The following TBXAS1 variants were observed in gnomAD, a reference collection of about 807,000 sequenced individuals.
The protein encoded by TBXAS1 is thromboxane A synthase 1.
Under a neutral mutation model 60.7 loss-of-function variants are expected in TBXAS1, and 48 were observed. The ratio of observed to expected loss-of-function variants is 0.79; its 90% CI spans 0.63 to 1.01. The LOEUF is 1.01. Ranked by LOEUF, TBXAS1 falls within the 50% of genes least tolerant of loss-of-function variation. The pLI is 0.00. For missense variants in TBXAS1, 685 were observed against 686.3 expected, an observed-to-expected ratio of 1.00 and a Z score of 0.02; for synonymous variants, 287 against 269.7, an observed-to-expected ratio of 1.06 and a Z score of -0.63.
intron 3 of TBXAS1, among the ~76,000 whole-genome samples, chr7:139,880,241 C>T (rs74727001): frequency 0.026 from 3,965 of 152,194 alleles, 154 homozygotes; most frequent in African/African-American, 0.091. Flanking sequence ...GCCTTATCCC[C>T]GTTTCTTCTT....
At chr7:139,936,644 T>C (rs1807813806) in intron 5 of TBXAS1, among the ~76,000 whole-genome samples, 1 of 151,232 alleles carries the variant, frequency 6.6e-6, no homozygotes, top group Non-Finnish European at 1.5e-5. Flanking sequence ...TCATGCATAA[T>C]GGATCACCTA....
intron 2 of TBXAS1, among the ~76,000 whole-genome samples, chr7:139,782,156 T>C (rs2270164): frequency 0.12 from 18,605 of 151,720 alleles, 1,875 homozygotes; most frequent in African/African-American, 0.25. Flanking sequence ...AATAAGCACA[T>C]TAGCAGTCAG....
chr7:139,804,903 T>C (rs1797809328), intron 4 of TBXAS1, among the ~76,000 whole-genome samples: 1 of 152,266 alleles, frequency 6.6e-6, no homozygotes, highest in Admixed American at 6.5e-5. Flanking sequence ...AATGGACTAA[T>C]ACAACATGTT....
chr7:139,988,904 G>C (rs1812698232), intron 9 of TBXAS1, among the ~76,000 whole-genome samples: 1 of 152,186 alleles, frequency 6.6e-6, no homozygotes, highest in Non-Finnish European at 1.5e-5. Context: ...CTGTGCGATG[G>C]GCCATTGGTA....
chr7:139,974,881 T>C (rs765376883), intron 9 of TBXAS1, among the ~76,000 whole-genome samples: 22 of 152,224 alleles, frequency 1.4e-4, no homozygotes, highest in Non-Finnish European at 2.5e-4. Context: ...GTGGGAGTTA[T>C]CACCATCCCC....
At chr7:139,836,992 G>A (rs1206163756) in intron 1 of TBXAS1, among the ~76,000 whole-genome samples, 1 of 151,990 alleles carries the variant, frequency 6.6e-6, no homozygotes. Context: ...TCAAAAAGTG[G>A]GCTAAGAACA....
At position 139,814,926 on chromosome 7, in the gene TBXAS1, T is replaced by C. The variant is rs76508063; in HGVS notation, c.-79-14386T>C. 7.0e-3 allele frequency among the ~76,000 whole-genome samples: 1,071 copies of C among 152,268 alleles called. 7 individuals carry two copies. The highest frequency in any genetic ancestry group is 0.024 in the African/African-American group (1,006 of 41,548). On this transcript the variant is annotated intron_variant, in intron 4 of 16. Transcript: ENST00000336425. ...CCCTGAGCACAGGGCACTGGTCTTG[T>C]CCATCATCCTCCCCTAGCACCTGTC... is the stretch of plus-strand genomic sequence containing the variant.
At chr7:139,923,738 T>C (rs1431996127) in intron 4 of TBXAS1, among the ~76,000 whole-genome samples, 1 of 149,772 alleles carries the variant, frequency 6.7e-6, no homozygotes, top group Admixed American at 6.6e-5. Flanking sequence ...CTAGGTCTTA[T>C]TCACTTTTTC....
At chr7:139,788,387 G>A (rs1797266780) in intron 4 of TBXAS1, among the ~76,000 whole-genome samples, 1 of 152,108 alleles carries the variant, frequency 6.6e-6, no homozygotes, top group Non-Finnish European at 1.5e-5. Flanking sequence ...CTTTCTATTA[G>A]AATGTAAGTT....
At position 139,874,444 on chromosome 7, in the gene TBXAS1, C is replaced by G. The variant is rs1802065615; in HGVS notation, c.184-1141C>G. Among the ~76,000 whole-genome samples the G allele has an allele frequency of 2.0e-5, 3 of 152,322 alleles. No individual in the cohort carries two copies. In the South Asian group the frequency reaches 6.2e-4, roughly 32 times the overall value. ...GCTCCTTTGCAGCCCGCCATCCTCA[C>G]AGCTACAAGCCCTGCCAAGTTCTTT... On this transcript the variant is annotated intron_variant, in intron 2 of 12. Coordinates refer to ENST00000448866, the MANE Select transcript of TBXAS1 (RefSeq NM_001061.7).
In TBXAS1 at chr7:139,916,660, G is replaced by A. The variant is rs900696193; in HGVS notation, c.333+5339G>A. 2.0e-5 allele frequency among the ~76,000 whole-genome samples: 3 copies of A among 152,230 alleles called. No homozygotes were observed. The highest frequency in any genetic ancestry group is 2.9e-5 in the Non-Finnish European group (2 of 68,042). The stretch of plus-strand genomic sequence containing the variant: ...CCACAAACTCCTTGGCATTGGTGAA[G>A]ATGACTAAAGTTATAGGCAAATTAG... On this transcript the variant is annotated intron_variant, in intron 4 of 12. Coordinates refer to ENST00000448866, the MANE Select transcript of TBXAS1 (RefSeq NM_001061.7). This position sits in a 1 kb window ranked among gnomAD's most constrained non-coding sequence, Gnocchi z 4.2.
At position 139,866,159 on chromosome 7, in the gene TBXAS1, A is replaced by G. The variant is rs140191506; in HGVS notation, c.90-6076A>G. ...GCTGGGACAAACTTTATGGAAAGCA[A>G]TTAGATATTACATACCAGTGTTTAA... On this transcript the variant is annotated intron_variant, in intron 1 of 12. Transcript: ENST00000448866. Among the ~76,000 whole-genome samples the G allele has an allele frequency of 2.6e-5, 4 of 152,338 alleles. No homozygotes were observed. The East Asian group carries it at 5.8e-4, about 22-fold the overall frequency.
chr7:139,889,817 G>A (rs1351822926), intron 3 of TBXAS1, among the ~76,000 whole-genome samples: 1 of 152,194 alleles, frequency 6.6e-6, no homozygotes, highest in African/African-American at 2.4e-5. Context: ...TTCTAATACT[G>A]TCATCTGGGG....
At chr7:139,800,951 C>T (rs76931446) in intron 4 of TBXAS1, among the ~76,000 whole-genome samples, 2,366 of 152,330 alleles carry the variant, frequency 0.016, 39 homozygotes, top group East Asian at 0.051. Context: ...TCCTTACTCT[C>T]ATTTGTTCCT....
intron 8 of TBXAS1, among the ~76,000 whole-genome samples, chr7:139,960,113 TG>T (rs1239854428): frequency 6.6e-6 from 1 of 152,216 alleles, no homozygotes; most frequent in African/African-American, 2.4e-5. Context: ...CCCAGCAGGC[TG>T]TTGGGAAGCT....
At chr7:139,939,499 A>G (rs924096858) in intron 5 of TBXAS1, among the ~76,000 whole-genome samples, 1 of 151,638 alleles carries the variant, frequency 6.6e-6, no homozygotes, top group African/African-American at 2.4e-5. Flanking sequence ...ATATAGTTCA[A>G]TTTAGGTTCT....
intron 4 of TBXAS1, among the ~76,000 whole-genome samples, chr7:139,810,468 C>A (rs778902599): frequency 6.6e-6 from 1 of 152,080 alleles, no homozygotes; most frequent in Non-Finnish European, 1.5e-5. Flanking sequence ...GTGCTATATT[C>A]GCCATGGGGA....
rs1167912408 is a variant in TBXAS1, at chr7:139,916,105, G to A, written c.333+4784G>A. 1.3e-5 allele frequency among the ~76,000 whole-genome samples: 2 copies of A among 152,148 alleles called. No individual in the cohort carries two copies. The highest frequency in any genetic ancestry group is 2.9e-5 in the Non-Finnish European group (2 of 68,022). ...AGATATTTTCAATGAGCTCTTCTTT[G>A]CTGTCAGGTACGGTACCTAATGAAA... is the stretch of plus-strand genomic sequence containing the variant. On this transcript the variant is annotated intron_variant, in intron 4 of 12. Coordinates refer to ENST00000448866, the MANE Select transcript of TBXAS1 (RefSeq NM_001061.7). This position sits in a 1 kb window ranked among gnomAD's most constrained non-coding sequence, Gnocchi z 4.2.
intron 4 of TBXAS1, among the ~76,000 whole-genome samples, chr7:139,805,140 C>G (rs771816405): frequency 6.6e-6 from 1 of 152,256 alleles, no homozygotes; most frequent in South Asian, 2.1e-4. Context: ...CAATCCTGAT[C>G]ACAGCCATCA....
Sources: gnomAD v4.1 joint callset for allele counts (sites outside exome capture counted in the v4.1 genomes callset) on GRCh38, gnomAD v4.1.1 for gene constraint, Gnocchi (gnomAD v3.1) non-coding constraint, MANE v1.5 for transcripts, NCBI Gene and HGNC (gene_info 2026-07-23, HGNC 2026-07-21) for gene names.